The following SERINC5 variants were observed in gnomAD, a reference collection of about 807,000 sequenced individuals.
SERINC5 encodes chromosome 5 open reading frame 12.
In SERINC5, 41 loss-of-function variants were observed where a neutral mutation model predicts 63.1. That is an observed-to-expected ratio of 0.65 (90% CI 0.51 to 0.84). The LOEUF (loss-of-function observed/expected upper bound fraction) is 0.84. SERINC5 is among the 40% of genes least tolerant of loss of function. The pLI, the probability that SERINC5 is intolerant of heterozygous loss-of-function variation, is 0.00. For synonymous variants in SERINC5, 222 were observed against 215.2 expected, an observed-to-expected ratio of 1.03 and a Z score of -0.28; for missense variants, 523 against 573.0, an observed-to-expected ratio of 0.91 and a Z score of 0.89.
At chr5:80,159,789 G>C (rs1341036290) in intron 7 of SERINC5, among the ~76,000 whole-genome samples, 2 of 152,138 alleles carry the variant, frequency 1.3e-5, no homozygotes, top group Non-Finnish European at 2.9e-5. Context: ...GGTTCAGAAA[G>C]CTTCCTGAGA....
Position 80,143,216 on chromosome 5 carries a change from G to A in SERINC5, c.*447C>T, listed in dbSNP as rs1296659095. ...GTCCTCAAAGCCCCCTGGGGACAAGGCTCTAAGAGGCGGAAGTGAGTGAGA... is the reference window on the plus strand; with the variant it reads ...GTCCTCAAAGCCCCCTGGGGACAAGACTCTAAGAGGCGGAAGTGAGTGAGA... On this transcript the variant is annotated 3_prime_UTR_variant, in exon 12 of 12. Coordinates refer to ENST00000507668, the MANE Select transcript of SERINC5 (RefSeq NM_001174072.3). The A allele has an allele frequency of 1.0e-6, 1 of 989,652 alleles. No individual in the cohort carries two copies. The highest frequency in any genetic ancestry group is 1.1e-4 in the East Asian group (1 of 8,954). The allele number at this position is 989,652 out of a possible 1,614,324, so 61.3% of individuals were successfully genotyped here. A position where few individuals can be genotyped will look rare whatever the true frequency, so the allele number is the denominator to read the frequency against.
At chr5:80,222,036 A>AC (rs1561436656) in intron 1 of SERINC5, among the ~76,000 whole-genome samples, 1 of 152,082 alleles carries the variant, frequency 6.6e-6, no homozygotes, top group Non-Finnish European at 1.5e-5. Flanking sequence ...AGTCCCAGCT[A>AC]CTTGAGAGGC....
chr5:80,171,875 T>C (rs774771669), intron 5 of SERINC5, among the ~76,000 whole-genome samples: 7 of 151,740 alleles, frequency 4.6e-5, no homozygotes, highest in Non-Finnish European at 8.8e-5. Context: ...AGTGAGACCC[T>C]GTCTCTTTAA....
chr5:80,227,763 C>T (rs1751235460), intron 1 of SERINC5, among the ~76,000 whole-genome samples: 1 of 152,016 alleles, frequency 6.6e-6, no homozygotes, highest in Admixed American at 6.6e-5. Flanking sequence ...GCATGAGAAT[C>T]GCTTGAACCC....
chr5:80,164,908 C>CTTTTTT (rs1747171665), intron 7 of SERINC5, among the ~76,000 whole-genome samples: 23 of 89,974 alleles, frequency 2.6e-4, no homozygotes, highest in African/African-American at 1.0e-3. Context: ...AACTTTTTTT[C>CTTTTTT]TGTTTTTTTT....
Position 80,158,595 on chromosome 5 carries a change from CAAGT to C in SERINC5, c.986+237_986+240del, listed in dbSNP as rs569343392. On this transcript the variant is annotated intron_variant, in intron 8 of 11. Transcript: ENST00000507668. The stretch of plus-strand genomic sequence containing the variant: ...TTGCTTTATTTACCCCAAATAAAAA[CAAGT>C]AAGGTAAACGAAGTTCAAATATTTA... 2.1e-3 allele frequency: 959 copies of C among 455,518 alleles called. 6 individuals carry two copies. The highest frequency in any genetic ancestry group is 0.016 in the Middle Eastern group (27 of 1,658). The allele number at this position is 455,518 out of a possible 1,614,324, so 28.2% of individuals were successfully genotyped here.
At chr5:80,145,227 C>T (rs554014256) in intron 11 of SERINC5, among the ~76,000 whole-genome samples, 1 of 152,026 alleles carries the variant, frequency 6.6e-6, no homozygotes, top group South Asian at 2.1e-4. Context: ...ACCTGTAATC[C>T]CAGCTACTCA....
intron 6 of SERINC5, among the ~76,000 whole-genome samples, chr5:80,168,134 T>C (rs1296981126): frequency 2.0e-5 from 3 of 152,188 alleles, no homozygotes; most frequent in African/African-American, 7.2e-5. Context: ...AGGAGAATAA[T>C]ACTCTCAATT....
chr5:80,144,917 C>T, intron 11 of SERINC5, among the ~76,000 whole-genome samples: 1 of 151,778 alleles, frequency 6.6e-6, no homozygotes. Context: ...TATGATACAA[C>T]CAAAGCTGTG....
At chr5:80,184,021 C>T (rs991425309) in intron 2 of SERINC5, among the ~76,000 whole-genome samples, 2 of 152,116 alleles carry the variant, frequency 1.3e-5, no homozygotes, top group African/African-American at 4.8e-5. Context: ...TTTTCAGGTG[C>T]TGAAATATGG....
At chr5:80,249,295 A>G (rs1362406670) in intron 1 of SERINC5, among the ~76,000 whole-genome samples, 1 of 151,956 alleles carries the variant, frequency 6.6e-6, no homozygotes, top group Non-Finnish European at 1.5e-5. Flanking sequence ...AGCCTGGGCA[A>G]CACAGCGAGA....
At chr5:80,203,883 C>A (rs1384063109) in intron 1 of SERINC5, among the ~76,000 whole-genome samples, 1 of 152,178 alleles carries the variant, frequency 6.6e-6, no homozygotes, top group Admixed American at 6.5e-5. Flanking sequence ...AGGGTCGGAA[C>A]TTTCAGGAGC....
intron 1 of SERINC5, among the ~76,000 whole-genome samples, chr5:80,251,528 G>A (rs1050823700): frequency 3.3e-5 from 5 of 151,916 alleles, no homozygotes; most frequent in Admixed American, 6.6e-5. Flanking sequence ...TCAGGAGTTC[G>A]AGACCAGCCT....
intron 8 of SERINC5, among the ~76,000 whole-genome samples, chr5:80,154,285 T>C (rs1746379509): frequency 1.3e-5 from 2 of 152,088 alleles, no homozygotes; most frequent in African/African-American, 2.4e-5. Context: ...GTTCAAACGA[T>C]TCTCCTGTCT....
intron 1 of SERINC5, among the ~76,000 whole-genome samples, chr5:80,225,617 G>C (rs1262542156): frequency 6.6e-6 from 1 of 152,182 alleles, no homozygotes; most frequent in Non-Finnish European, 1.5e-5. Context: ...AGCCTTGATG[G>C]TGCTGACAGA....
intron 1 of SERINC5, among the ~76,000 whole-genome samples, chr5:80,254,222 C>T (rs965754088): frequency 7.5e-6 from 1 of 133,572 alleles, no homozygotes; most frequent in South Asian, 2.9e-4. Flanking sequence ...CTGCGCCCAG[C>T]CTGTTTGCTT....
At chr5:80,129,837 T>G (rs1744873196) in intron 11 of SERINC5, among the ~76,000 whole-genome samples, 1 of 152,184 alleles carries the variant, frequency 6.6e-6, no homozygotes, top group Non-Finnish European at 1.5e-5. Flanking sequence ...AAATTGGAAT[T>G]GCGAGGTCAG....
intron 8 of SERINC5, among the ~76,000 whole-genome samples, chr5:80,155,509 G>A (rs1580076198): frequency 6.6e-6 from 1 of 150,622 alleles, no homozygotes; most frequent in Non-Finnish European, 1.5e-5. Flanking sequence ...GGAGGCGGAG[G>A]TTGCAGTGAG....
intron 5 of SERINC5, among the ~76,000 whole-genome samples, chr5:80,171,092 C>A (rs1444586590): frequency 6.6e-6 from 1 of 151,990 alleles, no homozygotes; most frequent in Non-Finnish European, 1.5e-5. Context: ...CTCATTGCAA[C>A]CCCCGCCTCC....
Sources: gnomAD v4.1 joint callset for allele counts (sites outside exome capture counted in the v4.1 genomes callset) on GRCh38, gnomAD v4.1.1 for gene constraint, MANE v1.5 for transcripts, NCBI Gene and HGNC (gene_info 2026-07-23, HGNC 2026-07-21) for gene names.